ABLIM1: variants seen among roughly 807,000 people sequenced by gnomAD.
ABLIM1 encodes the protein actin-binding LIM protein 1.
In ABLIM1, 40 loss-of-function variants were observed where a neutral mutation model predicts 107.0. That is an observed-to-expected ratio of 0.37 (90% CI 0.29 to 0.49). ABLIM1 has a LOEUF of 0.49. ABLIM1 is among the 20% of genes least tolerant of loss of function. The pLI, the probability that ABLIM1 is intolerant of heterozygous loss-of-function variation, is 0.97. For synonymous variants in ABLIM1, 357 were observed against 357.3 expected (o/e 1.00, Z 0.01); for missense variants, 857 against 1,008.5 (o/e 0.85, Z 2.04).
chr10:114,769,073 C>T (rs536995758), upstream of ABLIM1, among the ~76,000 whole-genome samples: 6 of 146,974 alleles, frequency 4.1e-5, no homozygotes, highest in South Asian at 2.2e-4. Flanking sequence ...GTGGCTCACT[C>T]ATGTAATCCC....
rs151191736 is a variant in ABLIM1, at chr10:114,571,367, C to A, written c.603G>T (p.Gly201=). 7.5e-5 allele frequency: 121 copies of A among 1,614,080 alleles called. No individual in the cohort carries two copies. Among genetic ancestry groups the A allele is most frequent in the Non-Finnish European group, 1.0e-4 (121 of 1,180,042 alleles). The change falls in exon 4 of 23, where the codon GGG becomes GGT. Residue 201 remains glycine, a synonymous_variant. Transcript: ENST00000533213. ...FPPGDRVTFN[G]RDCLCQLCAQ... ...CACAGAGTTGACAAAGGCAGTCTCT[C>A]CCATTGAATGTGACTCGGTCTCCGG... is the stretch of plus-strand genomic sequence containing the variant.
chr10:114,734,875 C>T (rs189407944), intron 1 of ABLIM1, among the ~76,000 whole-genome samples: 35 of 152,204 alleles, frequency 2.3e-4, no homozygotes, highest in Non-Finnish European at 2.9e-5. Flanking sequence ...TAAACATACG[C>T]AAAATAGGCT....
intron 1 of ABLIM1, among the ~76,000 whole-genome samples, chr10:114,751,242 C>T (rs2082504010): frequency 6.6e-6 from 1 of 151,398 alleles, no homozygotes; most frequent in Non-Finnish European, 1.5e-5. Context: ...TTTTTCTAGT[C>T]CTTTCTACTC....
intron 1 of ABLIM1, among the ~76,000 whole-genome samples, chr10:114,705,777 C>T (rs1018851724): frequency 1.5e-4 from 23 of 152,126 alleles, no homozygotes; most frequent in African/African-American, 5.3e-4. Context: ...TTTTCATCAA[C>T]AAAGACAACT....
intron 4 of ABLIM1, among the ~76,000 whole-genome samples, chr10:114,561,661 T>C (rs929629415): frequency 3.2e-4 from 49 of 152,220 alleles, no homozygotes; most frequent in Non-Finnish European, 2.1e-4. Flanking sequence ...TTTTTACTGT[T>C]ACTTAAACAT....
intron 6 of ABLIM1, chr10:114,526,911 C>G (rs141394498): frequency 0.02 from 19,810 of 985,502 alleles, 277 homozygotes; most frequent in Admixed American, 0.079. Context: ...CACGCTCTCT[C>G]ACGCCTCCTC....
chr10:114,458,683 A>C (rs2063296496), intron 12 of ABLIM1, among the ~76,000 whole-genome samples: 1 of 152,240 alleles, frequency 6.6e-6, no homozygotes, highest in African/African-American at 2.4e-5. Flanking sequence ...ACATCATGGC[A>C]ACTCATATTT....
chr10:114,598,995 C>G (rs577168866), intron 2 of ABLIM1, among the ~76,000 whole-genome samples: 8 of 152,208 alleles, frequency 5.3e-5, no homozygotes, highest in Non-Finnish European at 1.0e-4. Flanking sequence ...CAGTGCTGCT[C>G]TAGAATCTTG....
chr10:114,506,020 C>T (rs1014704381), intron 6 of ABLIM1, among the ~76,000 whole-genome samples: 1 of 152,180 alleles, frequency 6.6e-6, no homozygotes, highest in African/African-American at 2.4e-5. Flanking sequence ...CCCCTGTCAC[C>T]ATCTCCCCTC....
At chr10:114,795,785 T>G in the ABLIM1 span, among the ~76,000 whole-genome samples, 2 of 152,130 alleles carry the variant, frequency 1.3e-5, no homozygotes, top group Admixed American at 1.3e-4. Flanking sequence ...ATCCTCTCAA[T>G]TCTTCCAGAA....
intron 2 of ABLIM1, among the ~76,000 whole-genome samples, chr10:114,591,681 C>T (rs776645131): frequency 3.3e-5 from 5 of 152,158 alleles, no homozygotes; most frequent in Admixed American, 6.6e-5. Flanking sequence ...CAAGTCTTAG[C>T]GACCTGGATT....
chr10:114,644,008 A>G (rs1053134492), intron 1 of ABLIM1, among the ~76,000 whole-genome samples: 29 of 151,896 alleles, frequency 1.9e-4, no homozygotes, highest in Non-Finnish European at 3.7e-4. Flanking sequence ...CTGGCCAGGC[A>G]CAGTGGCTCA....
At chr10:114,695,976 T>C (rs1307847173) in intron 1 of ABLIM1, among the ~76,000 whole-genome samples, 2 of 152,244 alleles carry the variant, frequency 1.3e-5, no homozygotes, top group Non-Finnish European at 2.9e-5. Context: ...ATGACATTAC[T>C]TCTGCATGCC....
chr10:114,531,852 G>A (rs2065482804), intron 6 of ABLIM1, among the ~76,000 whole-genome samples: 1 of 151,234 alleles, frequency 6.6e-6, no homozygotes. Context: ...CTGGGATCAA[G>A]TCCTGGTGTG....
chr10:114,724,185 A>G (rs1299468518), intron 1 of ABLIM1, among the ~76,000 whole-genome samples: 3 of 152,186 alleles, frequency 2.0e-5, no homozygotes, highest in African/African-American at 7.2e-5. Context: ...TTATTGTGCA[A>G]CAGAAAAAGC....
At chr10:114,591,722 G>A (rs755614491) in intron 2 of ABLIM1, among the ~76,000 whole-genome samples, 1 of 152,146 alleles carries the variant, frequency 6.6e-6, no homozygotes, top group African/African-American at 2.4e-5. Context: ...TCTATAAATA[G>A]TACAGGCTAT....
intron 1 of ABLIM1, among the ~76,000 whole-genome samples, chr10:114,729,881 G>A (rs771690230): frequency 4.6e-5 from 7 of 152,078 alleles, no homozygotes; most frequent in Non-Finnish European, 7.4e-5. Context: ...GAATACAAAC[G>A]TTTTGAGAAC....
chr10:114,623,389 C>T (rs1323753417), intron 1 of ABLIM1, among the ~76,000 whole-genome samples: 4 of 152,214 alleles, frequency 2.6e-5, no homozygotes, highest in Non-Finnish European at 5.9e-5. Flanking sequence ...TGGGATCTCA[C>T]AGGTCTGCTT....
chr10:114,766,774 AC>A (rs1276302863), intron 1 of ABLIM1, among the ~76,000 whole-genome samples: 3 of 152,188 alleles, frequency 2.0e-5, no homozygotes, highest in Non-Finnish European at 2.9e-5. Context: ...CAGTCTAAGA[AC>A]ATAGTTCAGA....
Sources: allele counts gnomAD v4.1 joint callset (sites outside exome capture counted in the v4.1 genomes callset), GRCh38; gene constraint gnomAD v4.1.1; transcripts MANE v1.5; gene names NCBI Gene and HGNC (gene_info 2026-07-23, HGNC 2026-07-21).